The following PACRG variants were observed in gnomAD, a reference collection of about 807,000 sequenced individuals.
The protein encoded by PACRG is parkin coregulated gene protein.
A neutral mutation model predicts 29.7 loss-of-function variants in PACRG; 29 were observed. The observed-to-expected ratio is 0.98, with a 90% CI of 0.73 to 1.33. PACRG has a LOEUF of 1.33. Among genes scored for constraint, PACRG ranks in the 40% most tolerant of loss-of-function variants. The pLI, the probability that PACRG is intolerant of heterozygous loss-of-function variation, is 0.00. For missense variants in PACRG, 279 were observed against 316.2 expected, an observed-to-expected ratio of 0.88 and a Z score of 0.89; for synonymous variants, 116 against 118.7, an observed-to-expected ratio of 0.98 and a Z score of 0.15.
At chr6:162,961,201 A>G (rs1800588209) in intron 2 of PACRG, among the ~76,000 whole-genome samples, 1 of 152,216 alleles carries the variant, frequency 6.6e-6, no homozygotes, top group Non-Finnish European at 1.5e-5. Context: ...CCTTACTGAC[A>G]TATTGTGTCA....
intron 4 of PACRG, among the ~76,000 whole-genome samples, chr6:163,194,350 C>G (rs899204213): frequency 2.6e-5 from 4 of 152,214 alleles, no homozygotes; most frequent in East Asian, 3.9e-4. Context: ...TTTGTTCTCT[C>G]CCCCTCTCTC....
chr6:162,947,364 A>ATATATATGATCATATATGATATATAT (rs373909688), intron 2 of PACRG, among the ~76,000 whole-genome samples: 2 of 55,594 alleles, frequency 3.6e-5, no homozygotes, highest in African/African-American at 1.4e-4. Context: ...TATATAATGT[A>ATATATATGATCATATATGATATATAT]ATCATATATA....
intron 4 of PACRG, among the ~76,000 whole-genome samples, chr6:163,107,767 T>G (rs1031496780): frequency 6.6e-6 from 1 of 152,200 alleles, no homozygotes; most frequent in Non-Finnish European, 1.5e-5. Context: ...GGATTCCAAA[T>G]GTACAAGGAC....
chr6:163,219,354 C>T (rs1781485998), intron 4 of PACRG, among the ~76,000 whole-genome samples: 1 of 152,194 alleles, frequency 6.6e-6, no homozygotes, highest in Admixed American at 6.5e-5. Context: ...TCACAACCCA[C>T]CTTAAAGCTG....
chr6:162,966,777 C>T (rs947066239), intron 2 of PACRG, among the ~76,000 whole-genome samples: 10 of 151,928 alleles, frequency 6.6e-5, no homozygotes, highest in African/African-American at 1.5e-4. Context: ...CACCCGGCCC[C>T]GACATGTATT....
chr6:162,958,462 C>T (rs1800237273), intron 2 of PACRG, among the ~76,000 whole-genome samples: 2 of 152,062 alleles, frequency 1.3e-5, no homozygotes, highest in African/African-American at 4.8e-5. Flanking sequence ...CTTTAGACTT[C>T]TAAATCAATC....
At chr6:162,930,368 A>C (rs1477763273) in intron 2 of PACRG, among the ~76,000 whole-genome samples, 1 of 151,772 alleles carries the variant, frequency 6.6e-6, no homozygotes, top group Non-Finnish European at 1.5e-5. Context: ...AGATGGGATT[A>C]CTTTCTTGAT....
intron 2 of PACRG, among the ~76,000 whole-genome samples, chr6:162,920,759 T>G (rs1039942718): frequency 6.6e-6 from 1 of 152,206 alleles, no homozygotes; most frequent in African/African-American, 2.4e-5. Context: ...TCACTTTCAG[T>G]AGAGTACTAC....
At chr6:163,305,894 AAAGTT>A (rs1291774685) in intron 4 of PACRG, among the ~76,000 whole-genome samples, 3 of 152,308 alleles carry the variant, frequency 2.0e-5, no homozygotes, top group Non-Finnish European at 4.4e-5. Flanking sequence ...ATACGGGGCT[AAAGTT>A]CTTCTGTAGG....
At chr6:163,170,174 C>G (rs757966257) in intron 4 of PACRG, among the ~76,000 whole-genome samples, 3 of 152,060 alleles carry the variant, frequency 2.0e-5, no homozygotes, top group Admixed American at 6.6e-5. Context: ...GGCAGTTGCC[C>G]TGCGGGGAAG....
chr6:162,897,063 A>T (rs1795224472), intron 2 of PACRG, among the ~76,000 whole-genome samples: 2 of 152,252 alleles, frequency 1.3e-5, no homozygotes, highest in Non-Finnish European at 1.5e-5. Context: ...ACAAGGAACT[A>T]ACGATAAACT....
intron 4 of PACRG, among the ~76,000 whole-genome samples, chr6:163,296,816 C>A (rs944205311): frequency 1.3e-5 from 2 of 152,156 alleles, no homozygotes; most frequent in African/African-American, 4.8e-5. Flanking sequence ...ATGAGAAAAA[C>A]CACTTTAAAT....
chr6:163,106,911 T>C (rs1338805350), intron 4 of PACRG, among the ~76,000 whole-genome samples: 1 of 152,208 alleles, frequency 6.6e-6, no homozygotes, highest in African/African-American at 2.4e-5. Flanking sequence ...GACTTGCTCA[T>C]TAAACTATGT....
intron 4 of PACRG, among the ~76,000 whole-genome samples, chr6:163,308,456 A>G (rs1460469049): frequency 6.6e-6 from 1 of 152,234 alleles, no homozygotes; most frequent in Admixed American, 6.5e-5. Flanking sequence ...ACTTGAGGCC[A>G]GGAGTTCGAG....
chr6:163,253,224 C>T (rs1782977224), intron 4 of PACRG, among the ~76,000 whole-genome samples: 1 of 149,684 alleles, frequency 6.7e-6, no homozygotes. Flanking sequence ...CATTTGAACC[C>T]AGGAGGCAGA....
chr6:163,284,411 A>G (rs17470751), intron 4 of PACRG, among the ~76,000 whole-genome samples: 35,039 of 152,212 alleles, frequency 0.23, 4,393 homozygotes, highest in Admixed American at 0.32. Flanking sequence ...CACGGGCATG[A>G]ATTTCTTCCA....
chr6:162,779,294 G>A (rs769816136), intron 1 of PACRG, among the ~76,000 whole-genome samples: 3 of 152,042 alleles, frequency 2.0e-5, no homozygotes, highest in Admixed American at 6.5e-5. Context: ...ACGAGCATTC[G>A]GGTTGATTTC....
At chr6:163,262,349 C>T (rs923336567) in intron 4 of PACRG, among the ~76,000 whole-genome samples, 9 of 152,206 alleles carry the variant, frequency 5.9e-5, no homozygotes, top group Non-Finnish European at 1.3e-4. Context: ...ATGTTGTTCT[C>T]TGCCTACCTC....
chr6:163,052,643 C>T (rs2128249436), intron 2 of PACRG, among the ~76,000 whole-genome samples: 1 of 152,202 alleles, frequency 6.6e-6, no homozygotes, highest in African/African-American at 2.4e-5. Flanking sequence ...TGAGGCCTCC[C>T]CAGCCATGCA....
Sources: allele counts gnomAD v4.1 joint callset (sites outside exome capture counted in the v4.1 genomes callset), GRCh38; gene constraint gnomAD v4.1.1; transcripts MANE v1.5; gene names NCBI Gene and HGNC (gene_info 2026-07-23, HGNC 2026-07-21).